The following ASIC2 variants were observed in gnomAD, a reference collection of about 807,000 sequenced individuals.
ASIC2 encodes acid sensing ion channel subunit 2.
ASIC2 carries 25 observed loss-of-function variants against 57.3 expected under a neutral mutation model. The ratio of observed to expected loss-of-function variants is 0.44; its 90% confidence interval spans 0.32 to 0.61. ASIC2 has a LOEUF of 0.61. Among genes scored for constraint, ASIC2 ranks in the 20% least tolerant of loss-of-function variants. The probability of loss-of-function intolerance (pLI) is 0.06; values close to 1 mark genes in which losing one functional copy is unlikely to be tolerated. For missense variants in ASIC2, 641 were observed against 738.1 expected (o/e 0.87, Z 1.52); for synonymous variants, 319 against 307.5 (o/e 1.04, Z -0.39).
At chr17:34,151,787 C>A (rs2142144664) in intron 1 of ASIC2, among the ~76,000 whole-genome samples, 1 of 152,222 alleles carries the variant, frequency 6.6e-6, no homozygotes, top group East Asian at 1.9e-4. Flanking sequence ...AAGCAAGAGG[C>A]CTACCCTGCT....
intron 1 of ASIC2, chr17:33,530,039 A>T (rs577392401): frequency 6.6e-6 from 1 of 152,326 alleles, no homozygotes; most frequent in East Asian, 1.9e-4. Context: ...AGGTCCAGGA[A>T]ATACATGAAT....
intron 1 of ASIC2, among the ~76,000 whole-genome samples, chr17:33,179,757 T>TG (rs1905903173): frequency 6.6e-6 from 1 of 152,214 alleles, no homozygotes; most frequent in Non-Finnish European, 1.5e-5. Context: ...AGAAGTTGAA[T>TG]GGAGCTCTTA....
At chr17:33,871,541 T>C (rs1477528128) in intron 1 of ASIC2, among the ~76,000 whole-genome samples, 1 of 152,066 alleles carries the variant, frequency 6.6e-6, no homozygotes, top group African/African-American at 2.4e-5. Flanking sequence ...GAGGGGTGTG[T>C]GTGATGCTTT....
chr17:34,062,378 G>A (rs937753524), intron 1 of ASIC2, among the ~76,000 whole-genome samples: 3 of 152,126 alleles, frequency 2.0e-5, no homozygotes, highest in African/African-American at 2.4e-5. Flanking sequence ...CAAAAGTGGC[G>A]TTAAGAGCAA....
chr17:33,593,703 G>T (rs996128973), intron 1 of ASIC2, among the ~76,000 whole-genome samples: 3 of 152,220 alleles, frequency 2.0e-5, no homozygotes, highest in Non-Finnish European at 4.4e-5. Context: ...GTTGACTTTT[G>T]TGTAATTTGC....
At chr17:33,609,632 C>T (rs924201948) in intron 1 of ASIC2, among the ~76,000 whole-genome samples, 24 of 152,170 alleles carry the variant, frequency 1.6e-4, no homozygotes, top group Non-Finnish European at 3.5e-4. Flanking sequence ...TTTATCATAG[C>T]TTGGAGTTAA....
At chr17:33,988,266 G>T (rs1905890121) in intron 1 of ASIC2, among the ~76,000 whole-genome samples, 1 of 152,214 alleles carries the variant, frequency 6.6e-6, no homozygotes, top group Non-Finnish European at 1.5e-5. Context: ...ATTGCTACAT[G>T]CCAGTCCCTT....
chr17:33,632,425 AGCAC>A (rs1414434914), intron 1 of ASIC2, among the ~76,000 whole-genome samples: 2 of 152,138 alleles, frequency 1.3e-5, no homozygotes, highest in African/African-American at 4.8e-5. Context: ...TGCATGCCCC[AGCAC>A]TCAGGACTGC....
At chr17:33,755,013 T>A (rs564108821) in intron 1 of ASIC2, among the ~76,000 whole-genome samples, 176 of 128,936 alleles carry the variant, frequency 1.4e-3, no homozygotes, top group African/African-American at 4.1e-3. Flanking sequence ...GAATGTTGCC[T>A]TGTATAACAA....
chr17:33,662,664 T>TAAAA (rs774818123), intron 1 of ASIC2, among the ~76,000 whole-genome samples: 4 of 111,094 alleles, frequency 3.6e-5, no homozygotes, highest in African/African-American at 7.6e-5. Context: ...AATAAATAAA[T>TAAAA]AAATAAGTAA....
At chr17:33,893,072 T>G (rs963270522) in intron 1 of ASIC2, among the ~76,000 whole-genome samples, 1 of 152,178 alleles carries the variant, frequency 6.6e-6, no homozygotes, top group African/African-American at 2.4e-5. Flanking sequence ...TCCAAAGAAA[T>G]TACATACTAT....
At position 33,924,426 on chromosome 17, in the gene ASIC2, CAAA is replaced by C. The variant is rs148057816; in HGVS notation, c.555+231549_555+231551del. ...CCAGGTGTGGCAGTAACTACATTGA[CAAA>C]ACTCTCAGCACTACAAAGTGGATAA... On this transcript the variant is annotated intron_variant, in intron 1 of 9. Coordinates refer to the ASIC2 transcript ENST00000359872. 5.8e-3 allele frequency among the ~76,000 whole-genome samples: 880 copies of C among 152,302 alleles called. 4 individuals carry two copies. The highest frequency in any genetic ancestry group is 0.02 in the African/African-American group (841 of 41,556).
chr17:33,845,637 C>T (rs1032820989), intron 1 of ASIC2, among the ~76,000 whole-genome samples: 22 of 152,256 alleles, frequency 1.4e-4, no homozygotes, highest in East Asian at 3.9e-4. Flanking sequence ...ATGGAATAAT[C>T]GTATTTTGAA....
chr17:33,208,759 G>A (rs1484212149), intron 1 of ASIC2, among the ~76,000 whole-genome samples: 2 of 152,120 alleles, frequency 1.3e-5, no homozygotes, highest in African/African-American at 2.4e-5. Flanking sequence ...GTTGACTGAT[G>A]TAGTCTCAGC....
At chr17:33,072,401 C>T (rs1056522649) in intron 3 of ASIC2, among the ~76,000 whole-genome samples, 45 of 152,278 alleles carry the variant, frequency 3.0e-4, no homozygotes, top group Admixed American at 9.8e-4. Flanking sequence ...AAGCAGAAGC[C>T]TCCACTGCCA....
intron 1 of ASIC2, among the ~76,000 whole-genome samples, chr17:33,288,147 G>A (rs1208966121): frequency 6.6e-6 from 1 of 152,152 alleles, no homozygotes; most frequent in Admixed American, 6.5e-5. Flanking sequence ...TCTAACAGGT[G>A]TGATGACATG....
chr17:34,147,827 GT>G (rs1904352904), intron 1 of ASIC2, among the ~76,000 whole-genome samples: 1 of 152,260 alleles, frequency 6.6e-6, no homozygotes, highest in East Asian at 1.9e-4. Context: ...AGGTGGTATC[GT>G]TTTAGTCTCA....
At chr17:33,204,657 G>A (rs1381317488) in intron 1 of ASIC2, among the ~76,000 whole-genome samples, 1 of 152,218 alleles carries the variant, frequency 6.6e-6, no homozygotes, top group Non-Finnish European at 1.5e-5. Context: ...GGTCAGACAT[G>A]AGCATGTGAC....
chr17:33,605,679 T>A (rs1905214185), intron 1 of ASIC2, among the ~76,000 whole-genome samples: 1 of 152,212 alleles, frequency 6.6e-6, no homozygotes, highest in African/African-American at 2.4e-5. Flanking sequence ...AGAACTCTGA[T>A]TTGCATGTAG....
Sources: gnomAD v4.1 joint callset for allele counts (sites outside exome capture counted in the v4.1 genomes callset) on GRCh38, gnomAD v4.1.1 for gene constraint, MANE v1.5 for transcripts, NCBI Gene and HGNC (gene_info 2026-07-23, HGNC 2026-07-21) for gene names.